Variants in DLG2 observed in about 807,000 individuals in gnomAD.
The protein encoded by DLG2 is disks large homolog 2.
Under a neutral mutation model 132.5 loss-of-function variants are expected in DLG2, and 45 were observed. The ratio of observed to expected loss-of-function variants is 0.34; its 90% confidence interval spans 0.27 to 0.44. The LOEUF is 0.44. Among genes scored for constraint, DLG2 ranks in the 20% least tolerant of loss-of-function variants. DLG2 has a pLI of 1.00. For missense variants in DLG2, 1,045 were observed against 1,196.9 expected (o/e 0.87, Z 1.87); for synonymous variants, 424 against 419.6 (o/e 1.01, Z -0.13).
chr11:84,276,170 T>G (rs528120595), intron 7 of DLG2, among the ~76,000 whole-genome samples: 3 of 152,322 alleles, frequency 2.0e-5, no homozygotes, highest in African/African-American at 7.2e-5. Context: ...GTTCATAAAT[T>G]CAGTGAAAAT....
intron 6 of DLG2, among the ~76,000 whole-genome samples, chr11:84,723,185 T>C (rs1230152631): frequency 1.3e-5 from 2 of 152,102 alleles, no homozygotes; most frequent in African/African-American, 4.8e-5. Flanking sequence ...CCCAAAAGTA[T>C]TGTATGCTCC....
intron 7 of DLG2, among the ~76,000 whole-genome samples, chr11:84,292,573 C>T (rs1028931297): frequency 6.6e-6 from 1 of 152,188 alleles, no homozygotes; most frequent in African/African-American, 2.4e-5. Flanking sequence ...TTCTTCCAAG[C>T]TAGCTTTTTA....
At chr11:84,830,647 G>C (rs529157547) in intron 6 of DLG2, among the ~76,000 whole-genome samples, 1 of 151,562 alleles carries the variant, frequency 6.6e-6, no homozygotes, top group Admixed American at 6.6e-5. Context: ...GAAGAAGCTT[G>C]TATCCAAGAT....
intron 6 of DLG2, among the ~76,000 whole-genome samples, chr11:84,577,306 C>A (rs1366999744): frequency 6.6e-6 from 1 of 152,144 alleles, no homozygotes; most frequent in East Asian, 1.9e-4. Context: ...GTGTAAGCCA[C>A]TTTGGAGCTG....
intron 6 of DLG2, among the ~76,000 whole-genome samples, chr11:84,873,108 G>C (rs1031511680): frequency 1.3e-5 from 2 of 152,158 alleles, no homozygotes; most frequent in Non-Finnish European, 2.9e-5. Flanking sequence ...TTTCATATAC[G>C]TGATTAAGCT....
At chr11:83,748,849 A>G (rs1378335765) in intron 18 of DLG2, among the ~76,000 whole-genome samples, 1 of 152,228 alleles carries the variant, frequency 6.6e-6, no homozygotes, top group Non-Finnish European at 1.5e-5. Context: ...TCCATTTCCC[A>G]GAAAAGCAGA....
rs574158150 is a variant in DLG2, at chr11:84,655,171, A to G, written c.358-120440T>C. ...GCCCTGTGTATTGTACCCATCATCA[A>G]TAGGTTTGCAGGGCAATTTAACCAT... On this transcript the variant is annotated intron_variant, in intron 6 of 27. Coordinates refer to ENST00000376104, the MANE Select transcript of DLG2 (RefSeq NM_001142699.3). Among the ~76,000 whole-genome samples, 4 of 152,172 alleles carry G rather than the reference A, an allele frequency of 2.6e-5. 1 individual carries two copies. The East Asian group carries it at 5.8e-4, about 22-fold the overall frequency.
chr11:84,242,905 T>A (rs913299364), intron 8 of DLG2, among the ~76,000 whole-genome samples: 11 of 152,032 alleles, frequency 7.2e-5, no homozygotes, highest in South Asian at 2.1e-4. Context: ...GCTGACTATT[T>A]AGAAGATTTG....
intron 6 of DLG2, among the ~76,000 whole-genome samples, chr11:84,581,881 T>C (rs1314135062): frequency 1.0e-4 from 13 of 128,342 alleles, no homozygotes; most frequent in Non-Finnish European, 1.4e-4. Context: ...CACTCTAGCC[T>C]GGCGACACAG....
chr11:85,330,683 C>G (rs1474828359), intron 3 of DLG2, among the ~76,000 whole-genome samples: 1 of 101,764 alleles, frequency 9.8e-6, no homozygotes, highest in African/African-American at 3.9e-5. Flanking sequence ...TGCTAGATGA[C>G]ACGTTAGTGG....
intron 6 of DLG2, among the ~76,000 whole-genome samples, chr11:84,600,179 A>G (rs559850860): frequency 2.9e-4 from 39 of 132,632 alleles, no homozygotes; most frequent in African/African-American, 6.9e-4. Flanking sequence ...AAAGAAAGAA[A>G]GAAAGAAAGA....
intron 6 of DLG2, among the ~76,000 whole-genome samples, chr11:84,561,945 T>C (rs1289795439): frequency 6.6e-6 from 1 of 152,140 alleles, no homozygotes; most frequent in Admixed American, 6.5e-5. Flanking sequence ...AATTTAGCCT[T>C]GCACTGCTTT....
intron 3 of DLG2, among the ~76,000 whole-genome samples, chr11:85,526,246 A>G (rs897365978): frequency 6.6e-6 from 1 of 152,214 alleles, no homozygotes; most frequent in African/African-American, 2.4e-5. Flanking sequence ...AGAGCACTTC[A>G]TAATTAAATT....
chr11:83,587,207 T>A (rs506718), intron 19 of DLG2, among the ~76,000 whole-genome samples: 72,407 of 151,960 alleles, frequency 0.48, 17,889 homozygotes, highest in Admixed American at 0.57. Context: ...AATTATCTTT[T>A]AATGTTTGGC....
chr11:84,946,762 C>T (rs2050259035), intron 6 of DLG2, among the ~76,000 whole-genome samples: 2 of 152,100 alleles, frequency 1.3e-5, no homozygotes, highest in African/African-American at 4.8e-5. Context: ...TCACTGGCTC[C>T]AAGCTCAGCC....
intron 7 of DLG2, among the ~76,000 whole-genome samples, chr11:84,447,053 T>C (rs2099037267): frequency 2.6e-5 from 4 of 152,224 alleles, no homozygotes; most frequent in Admixed American, 2.0e-4. Flanking sequence ...AGATTTATTG[T>C]TAAGTGTTTC....
At chr11:84,980,349 G>A (rs527921509) in intron 6 of DLG2, among the ~76,000 whole-genome samples, 1 of 152,046 alleles carries the variant, frequency 6.6e-6, no homozygotes, top group South Asian at 2.1e-4. Context: ...CCAAGAATAA[G>A]GCCTATCTTC....
chr11:84,847,459 T>C (rs2081617445), intron 6 of DLG2, among the ~76,000 whole-genome samples: 1 of 152,150 alleles, frequency 6.6e-6, no homozygotes, highest in Non-Finnish European at 1.5e-5. Context: ...ATGGGTTTTT[T>C]AGTGATGTAC....
chr11:85,424,533 A>T (rs935548835), intron 3 of DLG2, among the ~76,000 whole-genome samples: 2 of 152,178 alleles, frequency 1.3e-5, no homozygotes, highest in Admixed American at 6.5e-5. Context: ...AGAGTCAATA[A>T]ATTTCCTTGA....
Sources: gnomAD v4.1 joint callset for allele counts (sites outside exome capture counted in the v4.1 genomes callset) on GRCh38, gnomAD v4.1.1 for gene constraint, MANE v1.5 for transcripts, NCBI Gene and HGNC (gene_info 2026-07-23, HGNC 2026-07-21) for gene names.